Variants in RBFOX3 observed in about 807,000 individuals in gnomAD.
RBFOX3 encodes RNA binding fox-1 homolog 3.
In RBFOX3, 17 loss-of-function variants were observed where a neutral mutation model predicts 48.7. That is an observed-to-expected ratio of 0.35 (90% CI 0.24 to 0.52). The LOEUF (loss-of-function observed/expected upper bound fraction) is 0.52. Ranked by LOEUF, RBFOX3 falls within the 20% of genes least tolerant of loss-of-function variation. The pLI is 0.94. For synonymous variants in RBFOX3, 212 were observed against 209.5 expected, an observed-to-expected ratio of 1.01 and a Z score of -0.10; for missense variants, 382 against 497.5, an observed-to-expected ratio of 0.77 and a Z score of 2.21.
intron 1 of RBFOX3, among the ~76,000 whole-genome samples, chr17:79,539,169 T>C (rs2089308552): frequency 6.6e-6 from 1 of 151,958 alleles, no homozygotes; most frequent in Non-Finnish European, 1.5e-5. Flanking sequence ...CTGGGCAACA[T>C]AGCAAAAACC....
At chr17:79,322,313 G>A (rs1278902704) in intron 2 of RBFOX3, among the ~76,000 whole-genome samples, 5 of 152,198 alleles carry the variant, frequency 3.3e-5, no homozygotes, top group Non-Finnish European at 7.3e-5. Flanking sequence ...GGTGTTCAGC[G>A]GAGGCTGGGG....
chr17:79,438,280 C>T (rs782683321), intron 2 of RBFOX3, among the ~76,000 whole-genome samples: 15 of 152,222 alleles, frequency 9.9e-5, no homozygotes, highest in South Asian at 2.1e-4. Flanking sequence ...GCACCGCTAG[C>T]GCTGGGTTCT....
At position 79,495,894 on chromosome 17, in the gene RBFOX3, G is replaced by A. The variant is rs546346258; in HGVS notation, c.-319-13296C>T. ...CCTGTGGGCAGGGACCCTGCAGGCC[G>A]GGACCCTGCAGGCCTCCAGCCTCGG... On this transcript the variant is annotated intron_variant, in intron 1 of 14. Transcript: ENST00000693108. 6.3e-4 allele frequency among the ~76,000 whole-genome samples: 95 copies of A among 151,870 alleles called. 2 individuals carry two copies. The South Asian group carries it at 0.016, about 26-fold the overall frequency.
At chr17:79,143,228 T>A (rs931399235) in intron 4 of RBFOX3, among the ~76,000 whole-genome samples, 2 of 152,274 alleles carry the variant, frequency 1.3e-5, no homozygotes, top group East Asian at 3.9e-4. Flanking sequence ...ATCTTGGCTG[T>A]GCCAGCTCGC....
chr17:79,196,322 G>A (rs1422123893), intron 4 of RBFOX3, among the ~76,000 whole-genome samples: 2 of 152,152 alleles, frequency 1.3e-5, no homozygotes, highest in South Asian at 2.1e-4. Flanking sequence ...GCTCCAGCCT[G>A]GGAGTCACAG....
chr17:79,455,762 T>A (rs2074364095), intron 2 of RBFOX3, among the ~76,000 whole-genome samples: 2 of 151,668 alleles, frequency 1.3e-5, no homozygotes, highest in South Asian at 4.2e-4. Flanking sequence ...ACACTCACAC[T>A]CATCCACAGA....
rs1206262929 is a variant in RBFOX3 at position 79,512,015 on chromosome 17, G to A, written c.-319-29417C>T. Among the ~76,000 whole-genome samples, 19 of 112,868 alleles carry A rather than the reference G, an allele frequency of 1.7e-4. 1 individual carries two copies. Among genetic ancestry groups the A allele is most frequent in the Admixed American group, 1.1e-3 (11 of 10,324 alleles). The allele number at this position is 112,868 out of a possible 152,430, so 74.0% of individuals were successfully genotyped here. On this transcript the variant is annotated intron_variant, in intron 1 of 14. Transcript: ENST00000693108. ...GGGTACAGCCCCATAGCCAGGGGACGCACACCTGGATACATGTTACCATCG... is the reference window on the plus strand; with the variant it reads ...GGGTACAGCCCCATAGCCAGGGGACACACACCTGGATACATGTTACCATCG...
At chr17:79,185,811 G>A (rs2053284025) in intron 4 of RBFOX3, among the ~76,000 whole-genome samples, 1 of 152,194 alleles carries the variant, frequency 6.6e-6, no homozygotes, top group African/African-American at 2.4e-5. Flanking sequence ...CAACGCTACT[G>A]TTTTTCCTTA....
At chr17:79,447,398 G>A (rs782289734) in intron 2 of RBFOX3, among the ~76,000 whole-genome samples, 15 of 152,330 alleles carry the variant, frequency 9.8e-5, no homozygotes, top group Non-Finnish European at 2.1e-4. Context: ...CACAGATGCC[G>A]TGTTTGCTGG....
chr17:79,097,277 G>A lies in RBFOX3; in HGVS notation c.755+15C>T, dbSNP rs1424340282. On this transcript the variant is annotated intron_variant, in intron 11 of 14. Transcript: ENST00000693108. Reference sequence around the variant, plus strand: ...CTACCCCCTCCTCCACGCCTCCCCCGGCCCAGGTACTCACGCTCCGTAAGT... The same window carrying A: ...CTACCCCCTCCTCCACGCCTCCCCCAGCCCAGGTACTCACGCTCCGTAAGT... 5 of 1,201,712 alleles carry A rather than the reference G, an allele frequency of 4.2e-6. No homozygotes were observed. Among genetic ancestry groups the A allele is most frequent in the South Asian group, 3.3e-5 (2 of 61,434 alleles). The allele number at this position is 1,201,712 out of a possible 1,614,324, so 74.4% of individuals were successfully genotyped here. A position where few individuals can be genotyped will look rare whatever the true frequency, so the allele number is the denominator to read the frequency against.
rs183896082 is a variant in RBFOX3, at chr17:79,381,127, G to T, written c.-174-73303C>A. On this transcript the variant is annotated intron_variant, in intron 2 of 14. Coordinates refer to ENST00000693108, the MANE Select transcript of RBFOX3 (RefSeq NM_001350451.2). ...TTACAAAAATTAGCCGGGCATGGTGGTGTGTGCCTGTGGTTCCAGCTACTC... is the reference window on the plus strand; with the variant it reads ...TTACAAAAATTAGCCGGGCATGGTGTTGTGTGCCTGTGGTTCCAGCTACTC... Among the ~76,000 whole-genome samples the T allele has an allele frequency of 1.5e-3, 234 of 152,204 alleles. 1 individual carries two copies. Among genetic ancestry groups the T allele is most frequent in the African/African-American group, 5.5e-3 (229 of 41,524 alleles).
chr17:79,588,476 T>G (rs1453222843), intron 1 of RBFOX3, among the ~76,000 whole-genome samples: 1 of 152,026 alleles, frequency 6.6e-6, no homozygotes, highest in African/African-American at 2.4e-5. Flanking sequence ...AAATAAATAG[T>G]AGTTGACCAA....
chr17:79,407,928 C>A (rs896693240), intron 2 of RBFOX3, among the ~76,000 whole-genome samples: 1 of 152,176 alleles, frequency 6.6e-6, no homozygotes, highest in African/African-American at 2.4e-5. Context: ...GGCCTGGAGT[C>A]GGAATGCAAA....
intron 3 of RBFOX3, among the ~76,000 whole-genome samples, chr17:79,306,390 T>C (rs1371391186): frequency 1.3e-5 from 2 of 152,248 alleles, no homozygotes; most frequent in African/African-American, 2.4e-5. Context: ...CGTGTGACTC[T>C]CTTGGAATTT....
intron 1 of RBFOX3, among the ~76,000 whole-genome samples, chr17:79,569,060 T>G (rs2092570843): frequency 6.6e-6 from 1 of 151,816 alleles, no homozygotes. Flanking sequence ...GGGGATTTTT[T>G]CATTGTGGAA....
At chr17:79,122,190 G>A (rs1056796398) in intron 4 of RBFOX3, among the ~76,000 whole-genome samples, 21 of 152,100 alleles carry the variant, frequency 1.4e-4, no homozygotes, top group African/African-American at 4.6e-4. Context: ...GCCTCCAGCC[G>A]CCCTGAACCG....
At chr17:79,102,459 C>A (rs2076626781) in intron 8 of RBFOX3, among the ~76,000 whole-genome samples, 1 of 152,188 alleles carries the variant, frequency 6.6e-6, no homozygotes, top group South Asian at 2.1e-4. Flanking sequence ...GGTGGCTGGC[C>A]CCAGCCCTCC....
At chr17:79,522,315 T>G (rs2086218174) in intron 1 of RBFOX3, among the ~76,000 whole-genome samples, 2 of 152,150 alleles carry the variant, frequency 1.3e-5, no homozygotes, top group East Asian at 3.9e-4. Flanking sequence ...CCCTGAGCCT[T>G]AAGTCCACCA....
intron 2 of RBFOX3, among the ~76,000 whole-genome samples, chr17:79,378,909 C>T (rs2059552811): frequency 6.6e-6 from 1 of 152,216 alleles, no homozygotes; most frequent in Admixed American, 6.5e-5. Flanking sequence ...CCGGCACCTG[C>T]TATTTGCCTC....
Sources: allele counts gnomAD v4.1 joint callset (sites outside exome capture counted in the v4.1 genomes callset), GRCh38; gene constraint gnomAD v4.1.1; transcripts MANE v1.5; gene names NCBI Gene and HGNC (gene_info 2026-07-23, HGNC 2026-07-21).